The following LRRC4C variants were observed in gnomAD, a reference collection of about 807,000 sequenced individuals.
LRRC4C encodes the protein leucine rich repeat containing 4C.
A neutral mutation model predicts 33.6 loss-of-function variants in LRRC4C; 5 were observed. The observed-to-expected ratio is 0.15, with a 90% CI of 0.08 to 0.31. The LOEUF (loss-of-function observed/expected upper bound fraction) is 0.31, where lower values mean the gene tolerates loss of function less well. Ranked by LOEUF, LRRC4C falls within the 10% of genes least tolerant of loss-of-function variation. LRRC4C has a pLI of 1.00. For synonymous variants in LRRC4C, 329 were observed against 302.0 expected (o/e 1.09, Z -0.93); for missense variants, 560 against 796.7 (o/e 0.70, Z 3.58).
intron 2 of LRRC4C, among the ~76,000 whole-genome samples, chr11:40,750,096 C>T (rs1394384282): frequency 2.6e-5 from 4 of 152,004 alleles, no homozygotes; most frequent in African/African-American, 7.2e-5. Flanking sequence ...GTGGTGTGCA[C>T]CTGTAATCCC....
intron 2 of LRRC4C, among the ~76,000 whole-genome samples, chr11:40,660,240 C>T (rs1027111947): frequency 1.3e-5 from 2 of 152,190 alleles, no homozygotes; most frequent in African/African-American, 4.8e-5. Context: ...GGCTAGACCT[C>T]ATGCTTGCTC....
In LRRC4C at chr11:41,087,301, T is replaced by C. The variant is rs1287450879; in HGVS notation, c.-495-153578A>G. Among the ~76,000 whole-genome samples the C allele has an allele frequency of 2.0e-5, 3 of 152,278 alleles. 1 individual carries two copies. The East Asian group carries it at 5.8e-4, about 29-fold the overall frequency. On this transcript the variant is annotated intron_variant, in intron 1 of 6. Transcript: ENST00000528697. ...CTAGCTCAATCTCCAAAACATATTT[T>C]ACTTAGCAGTTGGAGTGACATTGTT...
chr11:40,519,048 C>T (rs1955691475), intron 3 of LRRC4C, among the ~76,000 whole-genome samples: 1 of 152,030 alleles, frequency 6.6e-6, no homozygotes, highest in African/African-American at 2.4e-5. Flanking sequence ...AATGAGAACA[C>T]ATGGACACAG....
At chr11:40,766,353 T>TAAAAAAAAAA (rs60152534) in intron 2 of LRRC4C, among the ~76,000 whole-genome samples, 14 of 33,914 alleles carry the variant, frequency 4.1e-4, no homozygotes, top group Admixed American at 5.6e-4. Flanking sequence ...TTCAGTCTGT[T>TAAAAAAAAAA]AAAAAAAAAA....
intron 2 of LRRC4C, among the ~76,000 whole-genome samples, chr11:40,906,205 C>G (rs538564061): frequency 4.6e-5 from 7 of 152,282 alleles, no homozygotes; most frequent in African/African-American, 1.7e-4. Flanking sequence ...ACAATGCCAT[C>G]GCACACTTAA....
chr11:41,090,932 TACCC>T (rs1940369730), intron 1 of LRRC4C, among the ~76,000 whole-genome samples: 1 of 152,026 alleles, frequency 6.6e-6, no homozygotes, highest in Admixed American at 6.6e-5. Context: ...GTTTATAAAT[TACCC>T]AGTCTCAGGC....
At chr11:40,937,602 T>C (rs1957960437) in intron 1 of LRRC4C, among the ~76,000 whole-genome samples, 1 of 128,296 alleles carries the variant, frequency 7.8e-6, no homozygotes, top group East Asian at 2.2e-4. Flanking sequence ...AGTGTGTGTA[T>C]ATGTGTGTGT....
intron 1 of LRRC4C, among the ~76,000 whole-genome samples, chr11:41,300,932 G>A (rs184648121): frequency 2.0e-5 from 3 of 152,284 alleles, no homozygotes; most frequent in African/African-American, 7.2e-5. Context: ...AGAGGCCTGG[G>A]AGGAAGAGGA....
chr11:41,042,825 C>T (rs77567055), intron 1 of LRRC4C, among the ~76,000 whole-genome samples: 1 of 152,184 alleles, frequency 6.6e-6, no homozygotes, highest in East Asian at 1.9e-4. Flanking sequence ...CAATTACAGA[C>T]ACTTCAACGA....
At chr11:41,322,461 A>T (rs948206906) in intron 1 of LRRC4C, among the ~76,000 whole-genome samples, 4 of 152,048 alleles carry the variant, frequency 2.6e-5, no homozygotes, top group Non-Finnish European at 4.4e-5. Flanking sequence ...ATTCAGGCCA[A>T]ATTTTCTCAG....
intron 2 of LRRC4C, among the ~76,000 whole-genome samples, chr11:40,871,679 C>G (rs1484380420): frequency 6.6e-6 from 1 of 152,102 alleles, no homozygotes; most frequent in African/African-American, 2.4e-5. Flanking sequence ...TCAGAGTTAT[C>G]TCTTCCACCT....
chr11:40,742,294 G>T (rs1344303371), intron 2 of LRRC4C, among the ~76,000 whole-genome samples: 2 of 151,986 alleles, frequency 1.3e-5, no homozygotes, highest in Non-Finnish European at 2.9e-5. Context: ...AACAGGATTA[G>T]TTCTTCTTGT....
At chr11:40,304,348 A>G (rs1944924121) in intron 4 of LRRC4C, among the ~76,000 whole-genome samples, 1 of 152,186 alleles carries the variant, frequency 6.6e-6, no homozygotes, top group South Asian at 2.1e-4. Flanking sequence ...TGGGAAGAAC[A>G]AAAAGAAAAG....
chr11:41,189,059 C>T (rs1376590272), intron 1 of LRRC4C, among the ~76,000 whole-genome samples: 1 of 152,092 alleles, frequency 6.6e-6, no homozygotes, highest in African/African-American at 2.4e-5. Flanking sequence ...AAAAGACTGA[C>T]TCACCTGTTT....
intron 1 of LRRC4C, among the ~76,000 whole-genome samples, chr11:41,311,483 TATAAAG>T (rs1228664093): frequency 6.6e-6 from 1 of 152,216 alleles, no homozygotes; most frequent in Non-Finnish European, 1.5e-5. Flanking sequence ...ATAAACTACT[TATAAAG>T]ATAAATCTAA....
chr11:40,794,454 T>G (rs1054893213), intron 2 of LRRC4C, among the ~76,000 whole-genome samples: 2 of 151,646 alleles, frequency 1.3e-5, no homozygotes, highest in South Asian at 4.2e-4. Context: ...TACTATTTGT[T>G]CAAGGAGATA....
chr11:40,306,132 T>C (rs1225598868), intron 4 of LRRC4C, among the ~76,000 whole-genome samples: 1 of 152,210 alleles, frequency 6.6e-6, no homozygotes, highest in African/African-American at 2.4e-5. Context: ...TTCATCAACA[T>C]AAATGTATAG....
chr11:40,999,109 T>C (rs905410889), intron 1 of LRRC4C, among the ~76,000 whole-genome samples: 2 of 152,130 alleles, frequency 1.3e-5, no homozygotes, highest in Non-Finnish European at 2.9e-5. Context: ...GAACATGTCC[T>C]TGTCACCCCT....
chr11:40,435,764 A>G (rs1951115335), intron 3 of LRRC4C, among the ~76,000 whole-genome samples: 1 of 152,216 alleles, frequency 6.6e-6, no homozygotes, highest in South Asian at 2.1e-4. Flanking sequence ...AACAATATGC[A>G]ACTATTAACC....
Sources: gnomAD v4.1 joint callset for allele counts (sites outside exome capture counted in the v4.1 genomes callset) on GRCh38, gnomAD v4.1.1 for gene constraint, MANE v1.5 for transcripts, NCBI Gene and HGNC (gene_info 2026-07-23, HGNC 2026-07-21) for gene names.